TESC: variants seen among roughly 807,000 people sequenced by gnomAD.
The protein encoded by TESC is calcineurin B homologous protein 3.
In TESC, 19 loss-of-function variants were observed where a neutral mutation model predicts 31.0. That is an observed-to-expected ratio of 0.61 (90% CI 0.43 to 0.90). TESC has a LOEUF of 0.90. TESC is among the 40% of genes least tolerant of loss of function. The pLI is 0.00. For synonymous variants in TESC, 109 were observed against 114.8 expected (o/e 0.95, Z 0.32); for missense variants, 248 against 303.8 (o/e 0.82, Z 1.36).
intron 6 of TESC, 57 bp downstream of exon 6, chr12:117,046,502 G>T: frequency 6.8e-7 from 1 of 1,479,704 alleles, no homozygotes. Context: ...TTCCAGAAAC[G>T]CAGACCATAA....
intron 2 of TESC, among the ~76,000 whole-genome samples, chr12:117,069,909 G>A (rs1163894208): frequency 1.3e-5 from 2 of 152,294 alleles, no homozygotes; most frequent in Admixed American, 6.5e-5. Flanking sequence ...AGGTCTTCAC[G>A]AGCCTCCTGT....
intron 2 of TESC, among the ~76,000 whole-genome samples, chr12:117,059,702 C>A (rs1021153047): frequency 5.9e-5 from 9 of 152,146 alleles, no homozygotes; most frequent in African/African-American, 2.2e-4. Context: ...AAGTGATTCT[C>A]CTGCCTCAGC....
At position 117,063,725 on chromosome 12, in the gene TESC, C is replaced by T. The variant is rs183609863; in HGVS notation, c.129-6839G>A. On this transcript the variant is annotated intron_variant, in intron 2 of 7. Coordinates refer to ENST00000335209, the MANE Select transcript of TESC (RefSeq NM_017899.4). ...CCTCTGAGTTCCCCTTCCTGCACTG[C>T]CTGCCCAGTGCCCCTCTGATTCCCC... 2.6e-5 allele frequency among the ~76,000 whole-genome samples: 4 copies of T among 152,310 alleles called. No individual in the cohort carries two copies. In the East Asian group the frequency reaches 7.7e-4, roughly 29 times the overall value.
chr12:117,084,594 C>T (rs973770594), intron 1 of TESC, among the ~76,000 whole-genome samples: 7 of 152,226 alleles, frequency 4.6e-5, no homozygotes, highest in Non-Finnish European at 1.0e-4. Context: ...CTGAGCAAGG[C>T]ATCACCAGTG....
At chr12:117,082,221 T>C (rs1054636832) in intron 1 of TESC, among the ~76,000 whole-genome samples, 4 of 151,232 alleles carry the variant, frequency 2.6e-5, no homozygotes, top group Non-Finnish European at 5.9e-5. Context: ...GAAAAGAAAT[T>C]GGCTGGGCGC....
chr12:117,066,114 G>A (rs1265126254), intron 2 of TESC, among the ~76,000 whole-genome samples: 1 of 151,100 alleles, frequency 6.6e-6, no homozygotes, highest in African/African-American at 2.4e-5. Context: ...CCTCCTCAGT[G>A]GCACCTTCCA....
In TESC at chr12:117,060,864, T is replaced by C. The variant is rs1005572408; in HGVS notation, c.129-3978A>G. On this transcript the variant is annotated intron_variant, in intron 2 of 7. Transcript: ENST00000335209. ...ACCACGTGGAGCTCCAGAGGGAATC[T>C]GGGAGAACAGAGAAGCCGCTGGCTG... 5.9e-4 allele frequency among the ~76,000 whole-genome samples: 90 copies of C among 152,338 alleles called. 1 individual carries two copies. Among genetic ancestry groups the C allele is most frequent in the Admixed American group, 5.0e-3 (76 of 15,304 alleles).
intron 2 of TESC, among the ~76,000 whole-genome samples, chr12:117,069,902 T>C (rs995648801): frequency 1.3e-5 from 2 of 152,188 alleles, no homozygotes; most frequent in Admixed American, 6.5e-5. Flanking sequence ...GCATTCAAGG[T>C]CTTCACGAGC....
At chr12:117,095,749 G>A (rs767442425) in intron 1 of TESC, among the ~76,000 whole-genome samples, 1 of 152,042 alleles carries the variant, frequency 6.6e-6, no homozygotes, top group Non-Finnish European at 1.5e-5. Flanking sequence ...GTGTGGTGGC[G>A]CACACCTGCA....
At chr12:117,043,250 T>C (rs1954510710) in intron 6 of TESC, among the ~76,000 whole-genome samples, 1 of 142,786 alleles carries the variant, frequency 7.0e-6, no homozygotes. Flanking sequence ...CATTGGTATA[T>C]GTAGGAAAAA....
At chr12:117,068,692 G>A (rs143951171) in intron 2 of TESC, among the ~76,000 whole-genome samples, 4 of 152,196 alleles carry the variant, frequency 2.6e-5, no homozygotes, top group East Asian at 1.9e-4. Flanking sequence ...CCCTGTGTAC[G>A]TCTGTGGTTG....
At position 117,075,851 on chromosome 12, in the gene TESC, A is replaced by ATATATATATATATATATGTG. The variant is rs1565971315; in HGVS notation, c.59-512_59-511insCACATATATATATATATATA. Among the ~76,000 whole-genome samples the ATATATATATATATATATGTG allele has an allele frequency of 4.6e-3, 249 of 53,716 alleles. 8 individuals carry two copies. The highest frequency in any genetic ancestry group is 8.3e-3 in the Middle Eastern group (1 of 120). The allele number at this position is 53,716 out of a possible 152,430, so 35.2% of individuals were successfully genotyped here. A position where few individuals can be genotyped will look rare whatever the true frequency, so the allele number is the denominator to read the frequency against. ...GGCTAATTTTCGTGTGTGTGTGTATATATATATATATATATATATGTGTGT... is the reference window on the plus strand; with the variant it reads ...GGCTAATTTTCGTGTGTGTGTGTATATATATATATATATATATGTGTATATATATATATATATATGTGTGT... On this transcript the variant is annotated intron_variant, in intron 1 of 7. Coordinates refer to ENST00000335209, the MANE Select transcript of TESC (RefSeq NM_017899.4).
chr12:117,045,787 GAC>G (rs1164734067), intron 6 of TESC, among the ~76,000 whole-genome samples: 4 of 152,226 alleles, frequency 2.6e-5, no homozygotes, highest in African/African-American at 9.6e-5. Flanking sequence ...GCAAAGGGCT[GAC>G]TGCATCAGTG....
In TESC at chr12:117,046,661, G is replaced by A. The variant is rs747112468; in HGVS notation, c.417C>T (p.Val139=). Reference sequence around the variant, plus strand: ...GAGGGTTTCCCGACAGCAGCTCCTCGACCACCTGCCAGGTGGGGCGGAAAC... The same window carrying A: ...GAGGGTTTCCCGACAGCAGCTCCTCAACCACCTGCCAGGTGGGGCGGAAAC... ...RITLEEYRNV[V]EELLSGNPHI... The change falls in exon 6 of 8, where the codon GTC becomes GTT. Residue 139 remains valine (V), a synonymous_variant. Transcript: ENST00000335209. The A allele has an allele frequency of 1.4e-5, 22 of 1,552,100 alleles. No individual in the cohort carries two copies. Among genetic ancestry groups the A allele is most frequent in the East Asian group, 2.4e-5 (1 of 40,954 alleles).
intron 1 of TESC, among the ~76,000 whole-genome samples, chr12:117,075,925 A>ATATATATATATATGTGTGTGTGTGTGTG (rs1565971717): frequency 2.5e-5 from 2 of 81,200 alleles, no homozygotes; most frequent in African/African-American, 1.3e-4. Context: ...GTGTGTGTGT[A>ATATATATATATATGTGTGTGTGTGTGTG]TATATATATA....
intron 2 of TESC, among the ~76,000 whole-genome samples, chr12:117,069,567 C>T (rs976906805): frequency 3.9e-5 from 6 of 152,072 alleles, no homozygotes; most frequent in South Asian, 2.1e-4. Flanking sequence ...AATCAGGTAC[C>T]GGGCTGTGTA....
At chr12:117,082,758 T>C (rs1245985549) in intron 1 of TESC, among the ~76,000 whole-genome samples, 1 of 152,134 alleles carries the variant, frequency 6.6e-6, no homozygotes, top group Admixed American at 6.5e-5. Flanking sequence ...AACAAAATAA[T>C]AGTAGTCAGT....
intron 1 of TESC, among the ~76,000 whole-genome samples, chr12:117,092,124 G>A (rs536651107): frequency 9.9e-5 from 15 of 152,244 alleles, no homozygotes; most frequent in African/African-American, 2.6e-4. Context: ...AGGGCTTTTC[G>A]GCAGATCAGA....
intron 3 of TESC, 134 bp from the exon 4 acceptor site, chr12:117,049,292 G>A (rs1954613494): frequency 1.5e-6 from 2 of 1,309,144 alleles, no homozygotes; most frequent in East Asian, 2.4e-5. Context: ...CCTTGCGTCT[G>A]TGCCCCAAGA....
Sources: gnomAD v4.1 joint callset for allele counts (sites outside exome capture counted in the v4.1 genomes callset) on GRCh38, gnomAD v4.1.1 for gene constraint, MANE v1.5 for transcripts, NCBI Gene and HGNC (gene_info 2026-07-23, HGNC 2026-07-21) for gene names.